Variants in LRRC4C observed in about 807,000 individuals in gnomAD.
LRRC4C encodes leucine-rich repeat-containing protein 4C.
In LRRC4C, 5 loss-of-function variants were observed where a neutral mutation model predicts 33.6. The ratio of observed to expected loss-of-function variants is 0.15; its 90% confidence interval spans 0.08 to 0.31. The LOEUF (loss-of-function observed/expected upper bound fraction) is 0.31. Among genes scored for constraint, LRRC4C ranks in the 10% least tolerant of loss-of-function variants. LRRC4C has a pLI of 1.00. For missense variants in LRRC4C, 560 were observed against 796.7 expected (o/e 0.70, Z 3.58); for synonymous variants, 329 against 302.0 (o/e 1.09, Z -0.93).
At chr11:40,779,721 CACAGGTGAG>C (rs1218704153) in intron 2 of LRRC4C, among the ~76,000 whole-genome samples, 1 of 152,084 alleles carries the variant, frequency 6.6e-6, no homozygotes, top group Non-Finnish European at 1.5e-5. Flanking sequence ...TATACCCTGG[CACAGGTGAG>C]ACATGCTGGT....
chr11:40,207,538 G>T (rs952411075), intron 5 of LRRC4C, among the ~76,000 whole-genome samples: 2 of 152,146 alleles, frequency 1.3e-5, no homozygotes, highest in African/African-American at 4.8e-5. Context: ...GGAGCTTGAG[G>T]TTGCAGTGAG....
intron 1 of LRRC4C, among the ~76,000 whole-genome samples, chr11:41,388,639 G>C (rs1953458881): frequency 6.6e-6 from 1 of 151,724 alleles, no homozygotes; most frequent in Admixed American, 6.6e-5. Context: ...GTAAACTAGG[G>C]AAAACATCAA....
At chr11:41,053,458 A>C (rs558520197) in intron 1 of LRRC4C, among the ~76,000 whole-genome samples, 1 of 152,344 alleles carries the variant, frequency 6.6e-6, no homozygotes, top group African/African-American at 2.4e-5. Flanking sequence ...AAAGCTGGAT[A>C]AAAACCAAGA....
At chr11:40,952,709 T>C (rs779456158) in intron 1 of LRRC4C, among the ~76,000 whole-genome samples, 16 of 151,962 alleles carry the variant, frequency 1.1e-4, no homozygotes, top group Admixed American at 2.6e-4. Flanking sequence ...CCAAGTGTTC[T>C]TGAATGCTGT....
At chr11:40,667,300 T>C (rs1355794687) in intron 2 of LRRC4C, among the ~76,000 whole-genome samples, 3 of 152,202 alleles carry the variant, frequency 2.0e-5, no homozygotes, top group African/African-American at 7.2e-5. Context: ...CTGAATGTTA[T>C]ATATGAATGA....
chr11:40,370,281 TGC>T (rs1255179468), intron 3 of LRRC4C, among the ~76,000 whole-genome samples: 1 of 152,130 alleles, frequency 6.6e-6, no homozygotes, highest in Non-Finnish European at 1.5e-5. Flanking sequence ...GCCAACCTAA[TGC>T]CCAAGGCAGA....
chr11:41,260,089 T>G (rs1437520259), intron 1 of LRRC4C, among the ~76,000 whole-genome samples: 5 of 152,088 alleles, frequency 3.3e-5, no homozygotes, highest in Non-Finnish European at 5.9e-5. Context: ...ATTTTTTAAA[T>G]GAAAGAATTA....
Position 41,406,752 on chromosome 11 carries a change from G to A in LRRC4C, c.-496+52679C>T, listed in dbSNP as rs112650169. On this transcript the variant is annotated intron_variant, in intron 1 of 6. Transcript: ENST00000528697. ...CACACACACACACACACACACACAC[G>A]CACCCTTAATAAAAGAAAGTAACTT... is the stretch of plus-strand genomic sequence containing the variant. Among the ~76,000 whole-genome samples the A allele has an allele frequency of 1.3e-3, 137 of 102,518 alleles. 1 individual carries two copies. The highest frequency in any genetic ancestry group is 5.3e-3 in the Middle Eastern group (1 of 190). 67.3% of individuals were successfully genotyped at this position (102,518 alleles called of 152,430 possible).
intron 5 of LRRC4C, among the ~76,000 whole-genome samples, chr11:40,183,556 C>G (rs1172973731): frequency 6.6e-6 from 1 of 152,172 alleles, no homozygotes; most frequent in African/African-American, 2.4e-5. Flanking sequence ...TCAAGACTTT[C>G]AGTTCTACAT....
At chr11:40,323,416 T>A (rs1945947790) in intron 3 of LRRC4C, among the ~76,000 whole-genome samples, 1 of 152,216 alleles carries the variant, frequency 6.6e-6, no homozygotes, top group East Asian at 1.9e-4. Context: ...TAGGACGATG[T>A]CTCTTCTTGC....
chr11:41,056,830 C>A (rs962652743), intron 1 of LRRC4C, among the ~76,000 whole-genome samples: 1 of 152,214 alleles, frequency 6.6e-6, no homozygotes, highest in Non-Finnish European at 1.5e-5. Flanking sequence ...GATGGGCCAT[C>A]TGGAGCAGCC....
intron 4 of LRRC4C, among the ~76,000 whole-genome samples, chr11:40,306,333 TG>T (rs1431359232): frequency 6.6e-6 from 1 of 152,194 alleles, no homozygotes; most frequent in African/African-American, 2.4e-5. Flanking sequence ...TGTCTCAGTT[TG>T]TCTGTTTTAA....
chr11:41,194,628 C>A (rs1348586256), intron 1 of LRRC4C, among the ~76,000 whole-genome samples: 1 of 152,000 alleles, frequency 6.6e-6, no homozygotes, highest in Non-Finnish European at 1.5e-5. Context: ...GAAGCAGAGG[C>A]CCCCAGGCCA....
intron 1 of LRRC4C, among the ~76,000 whole-genome samples, chr11:41,073,654 C>T (rs1029244690): frequency 7.2e-5 from 11 of 152,104 alleles, no homozygotes; most frequent in African/African-American, 2.7e-4. Context: ...AATCATGGTT[C>T]AATATATATG....
chr11:40,333,836 C>T (rs939351916), intron 3 of LRRC4C, among the ~76,000 whole-genome samples: 3 of 151,414 alleles, frequency 2.0e-5, no homozygotes, highest in Non-Finnish European at 4.4e-5. Flanking sequence ...AATTGATTTC[C>T]AGTGGTCAGA....
At chr11:41,430,111 G>C (rs1955183537) in intron 1 of LRRC4C, among the ~76,000 whole-genome samples, 1 of 152,074 alleles carries the variant, frequency 6.6e-6, no homozygotes, top group Admixed American at 6.6e-5. Flanking sequence ...GTACTAACAT[G>C]ATTTTAATCT....
intron 1 of LRRC4C, among the ~76,000 whole-genome samples, chr11:41,333,164 A>T (rs1951348427): frequency 6.6e-6 from 1 of 152,228 alleles, no homozygotes; most frequent in South Asian, 2.1e-4. Context: ...GTTTCTTTGT[A>T]TTAAAAGAAA....
chr11:40,304,770 C>T lies in LRRC4C; in HGVS notation c.-176+14858G>A, dbSNP rs563288708. Among the ~76,000 whole-genome samples, 59 of 149,202 alleles carry T rather than the reference C, an allele frequency of 4.0e-4. 1 individual carries two copies. The South Asian group carries it at 0.012, about 30-fold the overall frequency. ...TTTTTGAGACAGAGTCTTGCTCTGTCGCCCAGGCTGGAGTGCAGTGGCGCA... is the reference window on the plus strand; with the variant it reads ...TTTTTGAGACAGAGTCTTGCTCTGTTGCCCAGGCTGGAGTGCAGTGGCGCA... On this transcript the variant is annotated intron_variant, in intron 4 of 6. Transcript: ENST00000528697.
Position 41,335,753 on chromosome 11 carries a change from G to A in LRRC4C, c.-496+123678C>T, listed in dbSNP as rs561984045. On this transcript the variant is annotated intron_variant, in intron 1 of 6. Coordinates refer to ENST00000528697, the MANE Select transcript of LRRC4C (RefSeq NM_001258419.2). ...TATAAGTAAATGAAACTTCCCAGAT[G>A]CATTACAATCTCCCTCTCCTCCGTT... Among the ~76,000 whole-genome samples, 32 of 152,270 alleles carry A rather than the reference G, an allele frequency of 2.1e-4. 1 individual carries two copies. In the South Asian group the frequency reaches 3.9e-3, roughly 19 times the overall value.
Sources: gnomAD v4.1 joint callset for allele counts (sites outside exome capture counted in the v4.1 genomes callset) on GRCh38, gnomAD v4.1.1 for gene constraint, MANE v1.5 for transcripts, NCBI Gene and HGNC (gene_info 2026-07-23, HGNC 2026-07-21) for gene names.